Variants in MYO1E observed in about 807,000 individuals in gnomAD.
MYO1E encodes the protein unconventional myosin-Ie.
MYO1E carries 68 observed loss-of-function variants against 151.1 expected under a neutral mutation model. The observed-to-expected ratio is 0.45, with a 90% CI of 0.37 to 0.55. The LOEUF (loss-of-function observed/expected upper bound fraction) is 0.55. MYO1E is among the 20% of genes least tolerant of loss of function. MYO1E has a pLI of 0.00. For synonymous variants in MYO1E, 601 were observed against 501.7 expected (o/e 1.20, Z -2.64); for missense variants, 1,363 against 1,389.3 (o/e 0.98, Z 0.30).
chr15:59,258,955 T>C (rs1454693070), intron 3 of MYO1E, among the ~76,000 whole-genome samples: 1 of 146,766 alleles, frequency 6.8e-6, no homozygotes, highest in Non-Finnish European at 1.5e-5. Flanking sequence ...CCCTCTCTTG[T>C]TTTTTTTTGT....
At chr15:59,248,360 C>A (rs576453679) in intron 4 of MYO1E, among the ~76,000 whole-genome samples, 1 of 151,354 alleles carries the variant, frequency 6.6e-6, no homozygotes, top group East Asian at 1.9e-4. Flanking sequence ...GTGGTGGGCG[C>A]CTGTAGTCCC....
intron 26 of MYO1E, among the ~76,000 whole-genome samples, chr15:59,140,213 C>G (rs928504730): frequency 1.3e-5 from 2 of 152,138 alleles, no homozygotes; most frequent in East Asian, 3.9e-4. Context: ...TGCTCTAACC[C>G]TAATCCAGAT....
chr15:59,322,797 A>C (rs537327478), intron 1 of MYO1E, among the ~76,000 whole-genome samples: 1 of 152,322 alleles, frequency 6.6e-6, no homozygotes, highest in East Asian at 1.9e-4. Flanking sequence ...TTAAACCAGA[A>C]TATGTCTTAC....
At chr15:59,317,841 TG>T (rs1432134130) in intron 1 of MYO1E, among the ~76,000 whole-genome samples, 1 of 152,230 alleles carries the variant, frequency 6.6e-6, no homozygotes, top group East Asian at 1.9e-4. Flanking sequence ...AAGTCCTTCA[TG>T]TGGGCTAATT....
intron 1 of MYO1E, among the ~76,000 whole-genome samples, chr15:59,340,604 C>T (rs551873358): frequency 2.0e-4 from 30 of 152,144 alleles, no homozygotes; most frequent in African/African-American, 6.3e-4. Flanking sequence ...AAATAACTGC[C>T]GTTTCTAAGT....
At chr15:59,224,006 C>CT (rs1159027711) in intron 8 of MYO1E, among the ~76,000 whole-genome samples, 10 of 152,254 alleles carry the variant, frequency 6.6e-5, no homozygotes, top group African/African-American at 1.9e-4. Context: ...TCAGAGTCTA[C>CT]TGCTCAGTTC....
At chr15:59,229,032 A>T (rs555272987) in intron 6 of MYO1E, among the ~76,000 whole-genome samples, 6 of 152,338 alleles carry the variant, frequency 3.9e-5, no homozygotes, top group African/African-American at 1.2e-4. Flanking sequence ...GGCACCTGAG[A>T]AAAGCTCACT....
chr15:59,279,443 T>C (rs531306328), intron 1 of MYO1E, among the ~76,000 whole-genome samples: 1 of 152,140 alleles, frequency 6.6e-6, no homozygotes, highest in Non-Finnish European at 1.5e-5. Flanking sequence ...GGCTGCTAGG[T>C]TGCATCTGTG....
intron 23 of MYO1E, among the ~76,000 whole-genome samples, chr15:59,162,612 C>T (rs1027715573): frequency 4.1e-5 from 6 of 147,310 alleles, no homozygotes; most frequent in East Asian, 4.0e-4. Flanking sequence ...CACCACTGTA[C>T]GCCAGCCTGG....
chr15:59,188,293 GC>G, intron 17 of MYO1E, 77 bp from the exon 18 acceptor site: 2 of 1,146,542 alleles, frequency 1.7e-6, no homozygotes, highest in Non-Finnish European at 1.3e-6. Flanking sequence ...CAACCCCCAA[GC>G]CCCCAGTTCC....
chr15:59,341,683 T>G (rs573771352), intron 1 of MYO1E, among the ~76,000 whole-genome samples: 1 of 152,330 alleles, frequency 6.6e-6, no homozygotes, highest in African/African-American at 2.4e-5. Context: ...TGACAGGGTT[T>G]CATTCTTTTT....
chr15:59,362,976 CT>C (rs34810328), intron 1 of MYO1E, among the ~76,000 whole-genome samples: 28 of 127,580 alleles, frequency 2.2e-4, no homozygotes, highest in African/African-American at 4.7e-4. Context: ...GTATGACTTT[CT>C]TTTTTTTTTT....
intron 2 of MYO1E, among the ~76,000 whole-genome samples, chr15:59,262,013 C>T (rs1040530071): frequency 1.2e-4 from 18 of 151,932 alleles, no homozygotes; most frequent in Non-Finnish European, 2.5e-4. Flanking sequence ...ACTAGCCTGG[C>T]CGACATGGTG....
intron 4 of MYO1E, among the ~76,000 whole-genome samples, chr15:59,252,718 A>G (rs2080172347): frequency 1.3e-5 from 2 of 149,550 alleles, no homozygotes; most frequent in Non-Finnish European, 1.5e-5. Context: ...CTGTCTCAAA[A>G]AAAAAAAAAA....
intron 22 of MYO1E, among the ~76,000 whole-genome samples, chr15:59,168,289 G>A (rs1281719458): frequency 6.6e-6 from 1 of 152,066 alleles, no homozygotes; most frequent in East Asian, 1.9e-4. Context: ...GCTCATGCCT[G>A]TAATCCTAGC....
chr15:59,322,685 A>C (rs1458508742), intron 1 of MYO1E, among the ~76,000 whole-genome samples: 1 of 152,362 alleles, frequency 6.6e-6, no homozygotes, highest in Middle Eastern at 3.4e-3. Context: ...GAAATCTAAT[A>C]GAGTCCTGAC....
At chr15:59,228,628 A>C (rs959523108) in intron 6 of MYO1E, among the ~76,000 whole-genome samples, 5 of 151,940 alleles carry the variant, frequency 3.3e-5, no homozygotes, top group Non-Finnish European at 7.4e-5. Context: ...CAGAAGGGTA[A>C]ATACGGATAA....
chr15:59,346,553 T>C (rs1348127761), intron 1 of MYO1E, among the ~76,000 whole-genome samples: 1 of 152,158 alleles, frequency 6.6e-6, no homozygotes, highest in East Asian at 1.9e-4. Context: ...ATTATTAATA[T>C]TTTCAAAAGA....
At chr15:59,216,209 CA>C (rs2079913255) in intron 10 of MYO1E, among the ~76,000 whole-genome samples, 1 of 151,992 alleles carries the variant, frequency 6.6e-6, no homozygotes, top group African/African-American at 2.4e-5. Context: ...ATATAAACGT[CA>C]AAGAAACAAA....
Sources: gnomAD v4.1 joint callset for allele counts (sites outside exome capture counted in the v4.1 genomes callset) on GRCh38, gnomAD v4.1.1 for gene constraint, MANE v1.5 for transcripts, NCBI Gene and HGNC (gene_info 2026-07-23, HGNC 2026-07-21) for gene names.